The following MCF2L variants were observed in gnomAD, a reference collection of about 807,000 sequenced individuals.
MCF2L encodes guanine nucleotide exchange factor DBS.
In MCF2L, 97 loss-of-function variants were observed where a neutral mutation model predicts 153.4. The ratio of observed to expected loss-of-function variants is 0.63; its 90% confidence interval spans 0.54 to 0.75. The LOEUF is 0.75. MCF2L is among the 30% of genes least tolerant of loss of function. The pLI is 0.00. For synonymous variants in MCF2L, 659 were observed against 632.2 expected, an observed-to-expected ratio of 1.04 and a Z score of -0.64; for missense variants, 1,347 against 1,495.2, an observed-to-expected ratio of 0.90 and a Z score of 1.64.
intron 2 of MCF2L, among the ~76,000 whole-genome samples, chr13:112,916,819 C>G (rs913667032): frequency 2.0e-5 from 3 of 152,136 alleles, no homozygotes; most frequent in African/African-American, 7.2e-5. Context: ...ATCCTCACTT[C>G]TAATGGGTGG....
In MCF2L at chr13:113,097,482, G is replaced by A. The variant is rs1300539658; in HGVS notation, c.*623G>A. On this transcript the variant is annotated 3_prime_UTR_variant, in exon 30 of 30. Transcript: ENST00000535094. Reference sequence around the variant, plus strand: ...TTTGGGGGGGCTCTCCCATGGAAACGGATGGCACTCCCTGAAGCTCCCTGG... The same window carrying A: ...TTTGGGGGGGCTCTCCCATGGAAACAGATGGCACTCCCTGAAGCTCCCTGG... The A allele has an allele frequency of 6.6e-6, 1 of 152,120 alleles. No individual in the cohort carries two copies. The highest frequency in any genetic ancestry group is 2.4e-5 in the African/African-American group (1 of 41,422). 9.4% of individuals were successfully genotyped at this position (152,120 alleles called of 1,614,324 possible). A position where few individuals can be genotyped will look rare whatever the true frequency, so the allele number is the denominator to read the frequency against.
intron 1 of MCF2L, chr13:112,979,329 G>T: frequency 1.6e-6 from 2 of 1,235,882 alleles, no homozygotes; most frequent in African/African-American, 1.6e-5. Context: ...GCACACAGCA[G>T]GCAGGCCCAG....
intron 23 of MCF2L, 68 bp downstream of exon 23, chr13:113,087,867 C>A: frequency 1.5e-6 from 2 of 1,336,462 alleles, no homozygotes; most frequent in Non-Finnish European, 2.1e-6. Flanking sequence ...GGAACCAGTG[C>A]AAGGATCTGC....
rs1283739786 is a variant in MCF2L at position 113,078,686 on chromosome 13, G to T, written c.1755G>T (p.Arg585=). 1.2e-6 allele frequency: 2 copies of T among 1,611,740 alleles called. No individual in the cohort carries two copies. Among genetic ancestry groups the T allele is most frequent in the Non-Finnish European group, 8.5e-7 (1 of 1,179,752 alleles). The change falls in exon 15 of 30, where the codon CGG becomes CGT. Residue 585 remains arginine, a synonymous_variant. Coordinates refer to ENST00000535094, the MANE Select transcript of MCF2L (RefSeq NM_001112732.3). ...RRAKSEMSES[R]QGRGSAGEEE... The stretch of plus-strand genomic sequence containing the variant: ...CCCAGAGTGAGATGAGTGAGAGCCG[G>T]CAGGGCCGCGGCTCAGCGGGGGAGG...
At chr13:112,967,440 C>T (rs2081908087), upstream of MCF2L, 1 of 152,186 alleles carries the variant, frequency 6.6e-6, no homozygotes, top group African/African-American at 2.4e-5. Context: ...ACTGCTGATA[C>T]TCAATACGTT....
intron 20 of MCF2L, 72 bp from the exon 21 acceptor site, chr13:113,086,052 C>T (rs2034608452): frequency 6.6e-7 from 1 of 1,517,190 alleles, no homozygotes; most frequent in Non-Finnish European, 8.8e-7. Flanking sequence ...TGCCAAGCTC[C>T]TGAGGGGTCT....
intron 25 of MCF2L, among the ~76,000 whole-genome samples, chr13:113,089,108 C>T (rs2034928571): frequency 6.6e-6 from 1 of 151,220 alleles, no homozygotes; most frequent in Non-Finnish European, 1.5e-5. Context: ...ATTCATGGAA[C>T]AGGATATGGC....
intron 1 of MCF2L, among the ~76,000 whole-genome samples, chr13:112,900,494 C>T (rs1566625966): frequency 1.3e-5 from 2 of 152,224 alleles, no homozygotes; most frequent in South Asian, 4.1e-4. Context: ...AAGTTCTGAA[C>T]AGTAGCAGCA....
chr13:112,925,468 C>G (rs1255098286), intron 2 of MCF2L, among the ~76,000 whole-genome samples: 1 of 152,194 alleles, frequency 6.6e-6, no homozygotes, highest in Non-Finnish European at 1.5e-5. Flanking sequence ...GCTGGACACC[C>G]TAACCTCTAG....
intron 5 of MCF2L, among the ~76,000 whole-genome samples, chr13:113,063,103 G>A (rs531526851): frequency 1.8e-4 from 27 of 152,366 alleles, no homozygotes; most frequent in Non-Finnish European, 2.8e-4. Flanking sequence ...GGCCGCACTC[G>A]TGTGGAGTTT....
intron 1 of MCF2L, among the ~76,000 whole-genome samples, chr13:112,996,245 C>A (rs907780657): frequency 6.6e-6 from 1 of 152,130 alleles, no homozygotes; most frequent in Non-Finnish European, 1.5e-5. Flanking sequence ...ACTTGAGCTC[C>A]GGAGATCAAG....
chr13:112,932,577 G>C lies in MCF2L; in HGVS notation c.169+30206G>C, dbSNP rs1427503565. Among the ~76,000 whole-genome samples, 1 of 152,166 alleles carries C rather than the reference G, an allele frequency of 6.6e-6. No individual in the cohort carries two copies. Among genetic ancestry groups the C allele is most frequent in the Non-Finnish European group, 1.5e-5 (1 of 68,026 alleles). ...AAGATATGAATATTGGAGGACACTG[G>C]GGGAGGGGTGTGTGGGAGCCCTGTT... On this transcript the variant is annotated intron_variant, in intron 2 of 29. Transcript: ENST00000375608. The surrounding 1 kb of genome is among the most constrained non-coding windows in gnomAD (Gnocchi z 4.6).
intron 2 of MCF2L, among the ~76,000 whole-genome samples, chr13:112,905,408 G>A (rs1340257888): frequency 6.6e-6 from 1 of 152,194 alleles, no homozygotes; most frequent in East Asian, 1.9e-4. Flanking sequence ...ATAGATGTGG[G>A]TTGTTACAGA....
intron 20 of MCF2L, among the ~76,000 whole-genome samples, chr13:113,085,607 A>C (rs961484315): frequency 1.3e-5 from 2 of 152,050 alleles, no homozygotes; most frequent in African/African-American, 2.4e-5. Flanking sequence ...GGGTGGCGAG[A>C]GGAAACTCCC....
intron 26 of MCF2L, chr13:113,090,383 T>C (rs1246936335): frequency 2.0e-6 from 2 of 985,344 alleles, no homozygotes; most frequent in Non-Finnish European, 2.4e-6. Flanking sequence ...AAATGGAGGC[T>C]TGCTCAGAAA....
chr13:113,001,853 T>C, intron 1 of MCF2L: 1 of 1,537,152 alleles, frequency 6.5e-7, no homozygotes, highest in Non-Finnish European at 8.7e-7. Flanking sequence ...ATCCTTTGTG[T>C]GCCCGGGAAG....
At chr13:112,964,070 C>G (rs1164926393) in intron 2 of MCF2L, among the ~76,000 whole-genome samples, 1 of 146,960 alleles carries the variant, frequency 6.8e-6, no homozygotes, top group Non-Finnish European at 1.5e-5. Flanking sequence ...GAGACGGCGT[C>G]CACTTGCAGG....
chr13:113,080,705 AG>A (rs1174714855), intron 15 of MCF2L, among the ~76,000 whole-genome samples: 2 of 152,154 alleles, frequency 1.3e-5, no homozygotes, highest in African/African-American at 4.8e-5. Context: ...GGGCGTGGGC[AG>A]GGGGCAGCTC....
intron 26 of MCF2L, chr13:113,089,941 A>C: frequency 6.3e-7 from 1 of 1,596,792 alleles, no homozygotes; most frequent in Non-Finnish European, 8.5e-7. Flanking sequence ...CAGCAAGGCC[A>C]GCCCCAGAAG....
Sources: gnomAD v4.1 joint callset for allele counts (sites outside exome capture counted in the v4.1 genomes callset) on GRCh38, gnomAD v4.1.1 for gene constraint, Gnocchi (gnomAD v3.1) non-coding constraint, MANE v1.5 for transcripts, NCBI Gene and HGNC (gene_info 2026-07-23, HGNC 2026-07-21) for gene names.